The following GRAMD1C variants were observed in gnomAD, a reference collection of about 807,000 sequenced individuals.
GRAMD1C encodes the protein protein Aster-C.
GRAMD1C carries 89 observed loss-of-function variants against 97.8 expected under a neutral mutation model. That is an observed-to-expected ratio of 0.91 (90% CI 0.77 to 1.09). The LOEUF (loss-of-function observed/expected upper bound fraction) is 1.09. Ranked by LOEUF, GRAMD1C falls within the 50% of genes least tolerant of loss-of-function variation. The probability of loss-of-function intolerance (pLI) is 0.00; values close to 1 mark genes in which losing one functional copy is unlikely to be tolerated. For synonymous variants in GRAMD1C, 256 were observed against 267.0 expected, an observed-to-expected ratio of 0.96 and a Z score of 0.40; for missense variants, 740 against 766.4, an observed-to-expected ratio of 0.97 and a Z score of 0.41.
intron 1 of GRAMD1C, among the ~76,000 whole-genome samples, chr3:113,844,016 C>T (rs1008959981): frequency 1.3e-5 from 2 of 152,230 alleles, no homozygotes; most frequent in Non-Finnish European, 2.9e-5. Flanking sequence ...TATTGTTCCT[C>T]TAGCAGACTG....
chr3:113,877,252 A>G (rs1222936251), intron 5 of GRAMD1C, among the ~76,000 whole-genome samples: 1 of 152,222 alleles, frequency 6.6e-6, no homozygotes, highest in Admixed American at 6.5e-5. Context: ...TTGATCCTCC[A>G]TCACCTTAGA....
At chr3:113,855,361 G>A (rs1370488071) in intron 2 of GRAMD1C, among the ~76,000 whole-genome samples, 2 of 152,008 alleles carry the variant, frequency 1.3e-5, no homozygotes, top group African/African-American at 4.8e-5. Context: ...TGAATCCCAT[G>A]AGCTACATGG....
intron 1 of GRAMD1C, among the ~76,000 whole-genome samples, chr3:113,839,719 G>C (rs1030834046): frequency 6.6e-6 from 1 of 152,140 alleles, no homozygotes; most frequent in African/African-American, 2.4e-5. Context: ...CTGGGTGTTC[G>C]GGATTAGATG....
chr3:113,834,215 T>C (rs1709601439), upstream of GRAMD1C, among the ~76,000 whole-genome samples: 3 of 152,172 alleles, frequency 2.0e-5, 1 homozygote, highest in South Asian at 6.2e-4. Context: ...AGTCTCACCC[T>C]GTCACCCAGG....
chr3:113,851,570 G>GTGCA (rs1933908035), intron 2 of GRAMD1C, among the ~76,000 whole-genome samples: 1 of 148,360 alleles, frequency 6.7e-6, no homozygotes, highest in Non-Finnish European at 1.5e-5. Context: ...CCAGGCTGGA[G>GTGCA]TGCAGTGCTG....
chr3:113,904,361 T>C, intron 8 of GRAMD1C, 89 bp downstream of exon 8: 1 of 955,990 alleles, frequency 1.0e-6, no homozygotes, highest in East Asian at 2.5e-5. Flanking sequence ...GTATACAAAA[T>C]GTTAAAAATA....
rs1168364156 is a variant in GRAMD1C at position 113,915,210 on chromosome 3, T to C, written c.953-491T>C. Among the ~76,000 whole-genome samples the C allele has an allele frequency of 3.9e-5, 6 of 152,342 alleles. 1 individual carries two copies. In the East Asian group the frequency reaches 1.2e-3, roughly 29 times the overall value. On this transcript the variant is annotated intron_variant, in intron 9 of 17. Transcript: ENST00000358160. ...CATTCTTGTCTTTGGGTAGTGAACATTAAGTCAAGTTGAAACATTATTCAG... is the reference window on the plus strand; with the variant it reads ...CATTCTTGTCTTTGGGTAGTGAACACTAAGTCAAGTTGAAACATTATTCAG...
intron 10 of GRAMD1C, among the ~76,000 whole-genome samples, chr3:113,930,241 C>T (rs1937360412): frequency 6.6e-6 from 1 of 152,182 alleles, no homozygotes; most frequent in African/African-American, 2.4e-5. Flanking sequence ...ACTGACATTA[C>T]ATGATTTCTC....
chr3:113,933,488 C>G, intron 11 of GRAMD1C, 23 bp from the exon 12 acceptor site: 1 of 1,581,578 alleles, frequency 6.3e-7, no homozygotes, highest in Non-Finnish European at 8.7e-7. Flanking sequence ...TACATACAAA[C>G]ATTTTTTATC....
At chr3:113,863,675 G>A (rs1487710205) in intron 2 of GRAMD1C, among the ~76,000 whole-genome samples, 2 of 152,160 alleles carry the variant, frequency 1.3e-5, no homozygotes, top group East Asian at 1.9e-4. Context: ...TATGGAACTC[G>A]GGCCTCAGGC....
chr3:113,905,784 C>T (rs1000109283), intron 8 of GRAMD1C, among the ~76,000 whole-genome samples: 1 of 152,036 alleles, frequency 6.6e-6, no homozygotes, highest in African/African-American at 2.4e-5. Context: ...CAGCCTCCGC[C>T]TCCTGGGTTC....
At chr3:113,905,917 G>A (rs188485137) in intron 8 of GRAMD1C, among the ~76,000 whole-genome samples, 7 of 152,216 alleles carry the variant, frequency 4.6e-5, no homozygotes, top group East Asian at 3.9e-4. Flanking sequence ...GGCTGGTCTC[G>A]AACACCTAAC....
At chr3:113,906,690 A>C (rs1214285172) in intron 8 of GRAMD1C, among the ~76,000 whole-genome samples, 2 of 152,124 alleles carry the variant, frequency 1.3e-5, no homozygotes, top group Admixed American at 6.6e-5. Flanking sequence ...TAAGTGTACG[A>C]TGTTTATAAA....
rs1371479246 is a variant in GRAMD1C, at chr3:113,946,550, TAAG to T, written c.*1075_*1077del. The T allele has an allele frequency of 6.6e-6, 1 of 152,232 alleles. No individual in the cohort carries two copies. The highest frequency in any genetic ancestry group is 1.9e-4 in the East Asian group (1 of 5,204). 9.4% of individuals were successfully genotyped at this position (152,232 alleles called of 1,614,324 possible). A position where few individuals can be genotyped will look rare whatever the true frequency, so the allele number is the denominator to read the frequency against. On this transcript the variant is annotated 3_prime_UTR_variant, in exon 18 of 18. Transcript: ENST00000358160. ...TCTCCATACAAGTGGCTCATTAAAA[TAAG>T]AACTTTGTAAACTGACTTAAAATCA...
At chr3:113,881,228 C>T (rs564772340) in intron 5 of GRAMD1C, among the ~76,000 whole-genome samples, 15 of 152,316 alleles carry the variant, frequency 9.8e-5, no homozygotes, top group African/African-American at 3.4e-4. Flanking sequence ...GATCCTAGCT[C>T]GCTGCAACCT....
upstream of GRAMD1C, among the ~76,000 whole-genome samples, chr3:113,834,358 T>C (rs1709604362): frequency 6.6e-6 from 1 of 152,012 alleles, no homozygotes; most frequent in Non-Finnish European, 1.5e-5. Flanking sequence ...TTTTGCATTT[T>C]AGTAGAGACA....
chr3:113,908,444 A>G (rs1052302777), intron 8 of GRAMD1C, among the ~76,000 whole-genome samples: 4 of 152,150 alleles, frequency 2.6e-5, no homozygotes, highest in African/African-American at 9.7e-5. Flanking sequence ...TGAGTTTGCT[A>G]TGAAGTTAAT....
At chr3:113,943,431 A>G (rs903899682) in intron 17 of GRAMD1C, among the ~76,000 whole-genome samples, 18 of 152,184 alleles carry the variant, frequency 1.2e-4, no homozygotes, top group African/African-American at 4.3e-4. Context: ...CCACAAGAAA[A>G]TCTGTACACA....
chr3:113,834,880 C>T (rs1283891416), upstream of GRAMD1C, among the ~76,000 whole-genome samples: 1 of 147,920 alleles, frequency 6.8e-6, no homozygotes, highest in Non-Finnish European at 1.5e-5. Flanking sequence ...GTGGAGTTTG[C>T]AGTGAACTGA....
Sources: gnomAD v4.1 joint callset for allele counts (sites outside exome capture counted in the v4.1 genomes callset) on GRCh38, gnomAD v4.1.1 for gene constraint, MANE v1.5 for transcripts, NCBI Gene and HGNC (gene_info 2026-07-23, HGNC 2026-07-21) for gene names.